The following SLC35E3 variants were observed in gnomAD, a reference collection of about 807,000 sequenced individuals.
SLC35E3 encodes bladder cancer-overexpressed gene 1 protein.
Under a neutral mutation model 30.8 loss-of-function variants are expected in SLC35E3, and 28 were observed. The ratio of observed to expected loss-of-function variants is 0.91; its 90% CI spans 0.67 to 1.25. The LOEUF (loss-of-function observed/expected upper bound fraction) is 1.25, where lower values mean the gene tolerates loss of function less well. SLC35E3 is among the 50% of genes most tolerant of loss of function. SLC35E3 has a pLI of 0.00. For missense variants in SLC35E3, 365 were observed against 375.4 expected, an observed-to-expected ratio of 0.97 and a Z score of 0.23; for synonymous variants, 146 against 149.2, an observed-to-expected ratio of 0.98 and a Z score of 0.16.
intron 3 of SLC35E3, among the ~76,000 whole-genome samples, chr12:68,754,033 G>A (rs1394224423): frequency 1.3e-5 from 2 of 151,996 alleles, no homozygotes; most frequent in East Asian, 3.9e-4. Flanking sequence ...TTTCAGTAGA[G>A]ATGGGGTTTC....
rs1879550927 is a variant in SLC35E3, at chr12:68,769,672, TA to T, written c.*4786del. ...AAAACTGTCTCAAATAAATAAATAA[TA>T]AAAGAAAGGAGACCGGATTTATTAG... On this transcript the variant is annotated 3_prime_UTR_variant, in exon 5 of 5. Transcript: ENST00000398004. 1 of 151,392 alleles carries T rather than the reference TA, an allele frequency of 6.6e-6. No individual in the cohort carries two copies. Among genetic ancestry groups the T allele is most frequent in the African/African-American group, 2.4e-5 (1 of 41,362 alleles). 9.4% of individuals were successfully genotyped at this position (151,392 alleles called of 1,614,324 possible).
chr12:68,768,172 C>T lies in SLC35E3; in HGVS notation c.*3282C>T, dbSNP rs1040368074. On this transcript the variant is annotated 3_prime_UTR_variant, in exon 5 of 5. Transcript: ENST00000398004. Reference sequence around the variant, plus strand: ...GGCATGGTGGCGGGCGCCTGTAATTCCAGCTACTCGGGAGGCTGAGACAGG... The same window carrying T: ...GGCATGGTGGCGGGCGCCTGTAATTTCAGCTACTCGGGAGGCTGAGACAGG... The T allele has an allele frequency of 1.3e-5, 2 of 152,138 alleles. No individual in the cohort carries two copies. The highest frequency in any genetic ancestry group is 2.9e-5 in the Non-Finnish European group (2 of 68,070). 9.4% of individuals were successfully genotyped at this position (152,138 alleles called of 1,614,324 possible).
chr12:68,763,227 G>A (rs775455985), intron 4 of SLC35E3, among the ~76,000 whole-genome samples: 11 of 152,128 alleles, frequency 7.2e-5, no homozygotes, highest in African/African-American at 1.2e-4. Flanking sequence ...CTTTTATATA[G>A]TGAGGAAACT....
chr12:68,759,081 C>A (rs1272935070), intron 3 of SLC35E3, 76 bp from the exon 4 acceptor site: 12 of 1,081,022 alleles, frequency 1.1e-5, no homozygotes, highest in Non-Finnish European at 1.7e-5. Context: ...TTTTAAAATG[C>A]CGAATGAAAT....
intron 2 of SLC35E3, among the ~76,000 whole-genome samples, chr12:68,751,054 G>A (rs1322331558): frequency 6.6e-6 from 1 of 152,084 alleles, no homozygotes; most frequent in East Asian, 1.9e-4. Flanking sequence ...TTGAGATGTT[G>A]TTTCTACTGA....
intron 2 of SLC35E3, among the ~76,000 whole-genome samples, chr12:68,751,592 C>T (rs1201436784): frequency 1.3e-5 from 2 of 152,150 alleles, no homozygotes; most frequent in Non-Finnish European, 2.9e-5. Flanking sequence ...CTGCTCCTGG[C>T]CCCGGTCTTC....
intron 4 of SLC35E3, among the ~76,000 whole-genome samples, chr12:68,762,515 T>G (rs1253522980): frequency 6.6e-6 from 1 of 152,152 alleles, no homozygotes; most frequent in Non-Finnish European, 1.5e-5. Context: ...CAGAACATTC[T>G]GCCTGGAGTA....
At position 68,768,346 on chromosome 12, in the gene SLC35E3, TATATA is replaced by T. The variant is rs996036716; in HGVS notation, c.*3462_*3466del. The T allele has an allele frequency of 1.3e-5, 2 of 152,070 alleles. No individual in the cohort carries two copies. The highest frequency in any genetic ancestry group is 2.9e-5 in the Non-Finnish European group (2 of 68,018). The allele number at this position is 152,070 out of a possible 1,614,324, so 9.4% of individuals were successfully genotyped here. A position where few individuals can be genotyped will look rare whatever the true frequency, so the allele number is the denominator to read the frequency against. ...CGTAAATAGAACTTGGGGAGGGTGT[TATATA>T]ATATATGTGTCAGTAGGAAGGCAGT... On this transcript the variant is annotated 3_prime_UTR_variant, in exon 5 of 5. Transcript: ENST00000398004.
chr12:68,755,602 T>C (rs1300997866), intron 3 of SLC35E3, among the ~76,000 whole-genome samples: 2 of 152,174 alleles, frequency 1.3e-5, no homozygotes, highest in African/African-American at 4.8e-5. Context: ...GAAGCATTAG[T>C]GCTGGCATCT....
intron 3 of SLC35E3, among the ~76,000 whole-genome samples, chr12:68,753,591 A>G (rs767206162): frequency 6.6e-6 from 1 of 152,134 alleles, no homozygotes; most frequent in East Asian, 1.9e-4. Flanking sequence ...ACATAGGTAC[A>G]CATGCATGTG....
chr12:68,767,849 C>G lies in SLC35E3; in HGVS notation c.*2959C>G, dbSNP rs185244111. 8.2e-4 allele frequency: 125 copies of G among 152,236 alleles called. 1 individual carries two copies. The highest frequency in any genetic ancestry group is 2.9e-3 in the African/African-American group (120 of 41,536). 9.4% of individuals were successfully genotyped at this position (152,236 alleles called of 1,614,324 possible). A position where few individuals can be genotyped will look rare whatever the true frequency, so the allele number is the denominator to read the frequency against. On this transcript the variant is annotated 3_prime_UTR_variant, in exon 5 of 5. Coordinates refer to ENST00000398004, the MANE Select transcript of SLC35E3 (RefSeq NM_018656.5). ...GAGCAATTAGTTTTTACCAGATAAG[C>G]CTCGGGTATTATGTTTGTCTAAGAA... is the stretch of plus-strand genomic sequence containing the variant.
rs1433112713 is a variant in SLC35E3, at chr12:68,772,562, T to C, written c.*7672T>C. 6.6e-6 allele frequency: 1 copy of C among 152,234 alleles called. No individual in the cohort carries two copies. The highest frequency in any genetic ancestry group is 2.4e-5 in the African/African-American group (1 of 41,466). The allele number at this position is 152,234 out of a possible 1,614,324, so 9.4% of individuals were successfully genotyped here. On this transcript the variant is annotated 3_prime_UTR_variant, in exon 5 of 5. Coordinates refer to ENST00000398004, the MANE Select transcript of SLC35E3 (RefSeq NM_018656.5). The stretch of plus-strand genomic sequence containing the variant: ...GAATTATTTATGAGTATTAGGGGAA[T>C]GTTTTTGTTATGCTGCTTTTAATTT...
At chr12:68,749,830 G>A (rs1191017543) in intron 2 of SLC35E3, among the ~76,000 whole-genome samples, 1 of 152,192 alleles carries the variant, frequency 6.6e-6, no homozygotes, top group Non-Finnish European at 1.5e-5. Flanking sequence ...AGAAGACAAG[G>A]CTGAGGAGTG....
chr12:68,757,897 G>A (rs1279183721), intron 3 of SLC35E3, among the ~76,000 whole-genome samples: 2 of 151,542 alleles, frequency 1.3e-5, no homozygotes, highest in African/African-American at 2.4e-5. Context: ...AGACCAGCCT[G>A]GCCAACATGG....
intron 3 of SLC35E3, among the ~76,000 whole-genome samples, chr12:68,755,740 G>T (rs1241607613): frequency 6.6e-6 from 1 of 152,070 alleles, no homozygotes. Flanking sequence ...TAAACAGCTA[G>T]CTCTCATGAG....
In SLC35E3 at chr12:68,769,788, C is replaced by T. The variant is rs527258487; in HGVS notation, c.*4898C>T. 1 of 152,296 alleles carries T rather than the reference C, an allele frequency of 6.6e-6. No individual in the cohort carries two copies. Among genetic ancestry groups the T allele is most frequent in the South Asian group, 2.1e-4 (1 of 4,828 alleles). 9.4% of individuals were successfully genotyped at this position (152,296 alleles called of 1,614,324 possible). On this transcript the variant is annotated 3_prime_UTR_variant, in exon 5 of 5. Coordinates refer to ENST00000398004, the MANE Select transcript of SLC35E3 (RefSeq NM_018656.5). ...TATAATGATAATTGCATTCATTCAA[C>T]AAAAATTTATTGAGCATATACTGTG...
chr12:68,761,072 A>G (rs951799731), intron 4 of SLC35E3, among the ~76,000 whole-genome samples: 1 of 152,180 alleles, frequency 6.6e-6, no homozygotes, highest in African/African-American at 2.4e-5. Flanking sequence ...CGAGGCCGTA[A>G]AAAAACCAAG....
chr12:68,772,385 A>G lies in SLC35E3; in HGVS notation c.*7495A>G, dbSNP rs1879625113. 2 of 151,972 alleles carry G rather than the reference A, an allele frequency of 1.3e-5. No individual in the cohort carries two copies. The highest frequency in any genetic ancestry group is 2.9e-5 in the Non-Finnish European group (2 of 67,968). 9.4% of individuals were successfully genotyped at this position (151,972 alleles called of 1,614,324 possible). A position where few individuals can be genotyped will look rare whatever the true frequency, so the allele number is the denominator to read the frequency against. On this transcript the variant is annotated 3_prime_UTR_variant, in exon 5 of 5. Coordinates refer to ENST00000398004, the MANE Select transcript of SLC35E3 (RefSeq NM_018656.5). ...TTTTTTTGTTCACAAGCATTTCTTT[A>G]CTCATAGATACCATTTTTATAACTT...
At position 68,771,681 on chromosome 12, in the gene SLC35E3, C is replaced by G. The variant is rs942639844; in HGVS notation, c.*6791C>G. The stretch of plus-strand genomic sequence containing the variant: ...CAAAAAATACAATAATTAATAGTTT[C>G]GAAAGAAAGAAACCTGCCAAGCAAA... On this transcript the variant is annotated 3_prime_UTR_variant, in exon 5 of 5. Coordinates refer to ENST00000398004, the MANE Select transcript of SLC35E3 (RefSeq NM_018656.5). The G allele has an allele frequency of 6.6e-6, 1 of 151,088 alleles. No individual in the cohort carries two copies. Among genetic ancestry groups the G allele is most frequent in the Non-Finnish European group, 1.5e-5 (1 of 68,016 alleles). 9.4% of individuals were successfully genotyped at this position (151,088 alleles called of 1,614,324 possible).
Sources: gnomAD v4.1 joint callset for allele counts (sites outside exome capture counted in the v4.1 genomes callset) on GRCh38, gnomAD v4.1.1 for gene constraint, MANE v1.5 for transcripts, NCBI Gene and HGNC (gene_info 2026-07-23, HGNC 2026-07-21) for gene names.